CDK5RAP2: variants seen among roughly 807,000 people sequenced by gnomAD.
CDK5RAP2 encodes CDK5 regulatory subunit-associated protein 2.
In CDK5RAP2, 147 loss-of-function variants were observed where a neutral mutation model predicts 232.9. The observed-to-expected ratio is 0.63, with a 90% CI of 0.55 to 0.72. The LOEUF (loss-of-function observed/expected upper bound fraction) is 0.72. Ranked by LOEUF, CDK5RAP2 falls within the 30% of genes least tolerant of loss-of-function variation. The pLI is 0.00. For missense variants in CDK5RAP2, 2,195 were observed against 2,231.5 expected, an observed-to-expected ratio of 0.98 and a Z score of 0.33; for synonymous variants, 833 against 833.7, an observed-to-expected ratio of 1.00 and a Z score of 0.01.
chr9:120,467,734 G>T, intron 18 of CDK5RAP2, 126 bp downstream of exon 18: 1 of 966,846 alleles, frequency 1.0e-6, no homozygotes, highest in Non-Finnish European at 1.6e-6. Context: ...CAGCCTCAAC[G>T]TCCTGGGCCC....
intron 18 of CDK5RAP2, among the ~76,000 whole-genome samples, chr9:120,463,555 A>G (rs2037207570): frequency 6.6e-6 from 1 of 152,188 alleles, no homozygotes; most frequent in Non-Finnish European, 1.5e-5. Flanking sequence ...TGAAATCCAC[A>G]TGGGGTTAGG....
rs774428480 is a variant in CDK5RAP2 at position 120,539,141 on chromosome 9, T to C, written c.407A>G (p.Glu136Gly). The C allele has an allele frequency of 6.2e-7, 1 of 1,613,976 alleles. No individual in the cohort carries two copies. The highest frequency in any genetic ancestry group is 1.1e-5 in the South Asian group (1 of 91,082). Reference protein sequence around the residue: ...KASKAVESLAEAGGSEIQRVK... With the variant: ...KASKAVESLAGAGGSEIQRVK... ...CCGCTGGATTTCAGAGCCACCTGCT[T>C]CAGCTAAGCTCTCAACTGCTTTGCT... The change falls in exon 6 of 38, where the codon GAA (glutamate) becomes GGA (glycine). Residue 136 changes from glutamate to glycine, a missense_variant. Coordinates refer to ENST00000349780, the MANE Select transcript of CDK5RAP2 (RefSeq NM_018249.6).
Position 120,527,868 on chromosome 9 carries a change from T to A in CDK5RAP2, c.937A>T (p.Ser313Cys), listed in dbSNP as rs2040974835. ...TGAATGGCTTTATCCCTCTTTAGAC[T>A]ATTTTTCTTCTCTGTAGCAATTTCT... ...EREIATEKKN[S>C]LKRDKAIQGL... Residue 313 changes from serine (S) to cysteine (C), a missense_variant, in exon 10 of 38, where the codon AGT becomes TGT. Ser to Cys is a moderately radical substitution (Grantham distance 112, BLOSUM62 -1). Transcript: ENST00000349780. 1 of 1,613,754 alleles carries A rather than the reference T, an allele frequency of 6.2e-7. No individual in the cohort carries two copies. Among genetic ancestry groups the A allele is most frequent in the African/African-American group, 1.3e-5 (1 of 74,942 alleles).
intron 29 of CDK5RAP2, among the ~76,000 whole-genome samples, chr9:120,410,442 TGA>T (rs2033778372): frequency 6.6e-6 from 1 of 152,328 alleles, no homozygotes; most frequent in East Asian, 1.9e-4. Flanking sequence ...AAGCTTTTCC[TGA>T]GTCAGGATGC....
chr9:120,457,087 A>C (rs1380342725), intron 20 of CDK5RAP2, among the ~76,000 whole-genome samples: 1 of 152,180 alleles, frequency 6.6e-6, no homozygotes, highest in Non-Finnish European at 1.5e-5. Context: ...AAATCCTCTA[A>C]ATACACTGAA....
rs148912118 is a variant in CDK5RAP2 at position 120,473,511 on chromosome 9, G to A, written c.1728-1633C>T. Among the ~76,000 whole-genome samples the A allele has an allele frequency of 2.8e-3, 427 of 152,236 alleles. 3 individuals are homozygous for A. The highest frequency in any genetic ancestry group is 9.5e-3 in the African/African-American group (395 of 41,542). ...TCAGAGACTTCCAGCTCCATCCATC[G>A]GACTGCACACATAAATCAACACACA... On this transcript the variant is annotated intron_variant, in intron 15 of 37. Coordinates refer to ENST00000349780, the MANE Select transcript of CDK5RAP2 (RefSeq NM_018249.6).
At chr9:120,440,114 A>G in intron 23 of CDK5RAP2, 142 bp from the exon 24 acceptor site, 1 of 714,734 alleles carries the variant, frequency 1.4e-6, no homozygotes, top group Non-Finnish European at 2.4e-6. Flanking sequence ...TTCCTAACAC[A>G]CTTCCCTCAA....
At chr9:120,531,924 A>G (rs1318433401) in intron 7 of CDK5RAP2, among the ~76,000 whole-genome samples, 1 of 152,236 alleles carries the variant, frequency 6.6e-6, no homozygotes, top group Non-Finnish European at 1.5e-5. Flanking sequence ...CACATAATCA[A>G]TGGGAGAGGT....
chr9:120,541,496 A>G (rs1325353742), intron 5 of CDK5RAP2, among the ~76,000 whole-genome samples: 3 of 152,192 alleles, frequency 2.0e-5, no homozygotes, highest in Admixed American at 6.5e-5. Flanking sequence ...ATTTTCCTCT[A>G]CTAATGGAAT....
intron 14 of CDK5RAP2, among the ~76,000 whole-genome samples, chr9:120,482,857 C>T (rs934233929): frequency 6.6e-6 from 1 of 152,124 alleles, no homozygotes. Context: ...AATTGCTTAC[C>T]CATGTTAAAT....
intron 5 of CDK5RAP2, among the ~76,000 whole-genome samples, chr9:120,542,894 C>A (rs78224110): frequency 8.5e-5 from 13 of 152,154 alleles, no homozygotes; most frequent in African/African-American, 2.9e-4. Context: ...GGAAGCCATG[C>A]GCGGTTCCAG....
intron 13 of CDK5RAP2, among the ~76,000 whole-genome samples, chr9:120,489,265 C>A (rs1029501206): frequency 6.6e-6 from 1 of 152,176 alleles, no homozygotes. Flanking sequence ...TCTGTGGAAG[C>A]CTTTCAGGTC....
chr9:120,453,944 C>G, intron 20 of CDK5RAP2, 71 bp from the exon 21 acceptor site: 1 of 1,456,248 alleles, frequency 6.9e-7, no homozygotes, highest in South Asian at 1.1e-5. Context: ...AGCCAGTATC[C>G]CAAGTTATCC....
At position 120,402,828 on chromosome 9, in the gene CDK5RAP2, G is replaced by T. The variant is rs1212686810; in HGVS notation, c.5285C>A (p.Thr1762Lys). The T allele has an allele frequency of 6.2e-7, 1 of 1,614,064 alleles. No individual in the cohort carries two copies. Among genetic ancestry groups the T allele is most frequent in the East Asian group, 2.2e-5 (1 of 44,878 alleles). Residue 1762 changes from threonine (T) to lysine (K), a missense_variant, in exon 34 of 38, where the codon ACA becomes AAA. By Grantham distance (78) the Thr-to-Lys change is moderately conservative. Transcript: ENST00000349780. ...TACCTTTGTTCCCAGCTCTTGACTT[G>T]TGGAGCTGGGAGCCTCTTGGGTTTG... Reference protein sequence around the residue: ...DIQTQEAPSSTSQELGTKGPH... With the variant: ...DIQTQEAPSSKSQELGTKGPH...
chr9:120,550,808 T>A lies in CDK5RAP2; in HGVS notation c.290A>T (p.Glu97Val). Residue 97 changes from glutamate (E) to valine (V), a missense_variant, in exon 4 of 38, where the codon GAA becomes GTA. Transcript: ENST00000349780. ...GCCACTCACAGTTTTGTAGATATGT[T>A]CAGTGGGGCCATGAAATTCCTGTTG... ...RMQQEFHGPT[E>V]HIYKTNIELK... 6.2e-7 allele frequency: 1 copy of A among 1,603,568 alleles called. No homozygotes were observed. Among genetic ancestry groups the A allele is most frequent in the Non-Finnish European group, 8.5e-7 (1 of 1,170,436 alleles).
intron 17 of CDK5RAP2, among the ~76,000 whole-genome samples, chr9:120,468,313 A>G (rs1250758224): frequency 2.0e-5 from 3 of 152,202 alleles, no homozygotes; most frequent in Non-Finnish European, 2.9e-5. Context: ...ACAGTGCACT[A>G]AAGTCCCTGG....
chr9:120,392,469 C>A (rs1046596751), intron 36 of CDK5RAP2, among the ~76,000 whole-genome samples: 1 of 152,206 alleles, frequency 6.6e-6, no homozygotes, highest in Non-Finnish European at 1.5e-5. Flanking sequence ...CTCAACCCAT[C>A]GAAACCTACT....
intron 13 of CDK5RAP2, among the ~76,000 whole-genome samples, chr9:120,489,111 T>G (rs2038760009): frequency 6.6e-6 from 1 of 152,272 alleles, no homozygotes; most frequent in Non-Finnish European, 1.5e-5. Context: ...ACAGCTTGGC[T>G]GAGTACAGAA....
intron 1 of CDK5RAP2, among the ~76,000 whole-genome samples, chr9:120,576,352 G>T (rs772092229): frequency 6.6e-6 from 1 of 152,154 alleles, no homozygotes; most frequent in Non-Finnish European, 1.5e-5. Flanking sequence ...TGAACAAATG[G>T]CTAAAAGGCA....
Sources: allele counts gnomAD v4.1 joint callset (sites outside exome capture counted in the v4.1 genomes callset), GRCh38; gene constraint gnomAD v4.1.1; transcripts MANE v1.5; gene names NCBI Gene and HGNC (gene_info 2026-07-23, HGNC 2026-07-21).